Variants in ATP5PB observed in about 807,000 individuals in gnomAD.
ATP5PB encodes ATP synthase peripheral stalk-membrane subunit b, also known as ATP synthase peripheral stalk subunit b, mitochondrial.
A neutral mutation model predicts 34.5 loss-of-function variants in ATP5PB; 21 were observed. The ratio of observed to expected loss-of-function variants is 0.61; its 90% CI spans 0.43 to 0.88. The LOEUF (loss-of-function observed/expected upper bound fraction) is 0.88, where lower values mean the gene tolerates loss of function less well. Among genes scored for constraint, ATP5PB ranks in the 40% least tolerant of loss-of-function variants. The pLI, the probability that ATP5PB is intolerant of heterozygous loss-of-function variation, is 0.00. For synonymous variants in ATP5PB, 108 were observed against 114.1 expected, an observed-to-expected ratio of 0.95 and a Z score of 0.34; for missense variants, 293 against 317.4, an observed-to-expected ratio of 0.92 and a Z score of 0.58.
chr1:111,460,954 A>G lies in ATP5PB; in HGVS notation c.731A>G (p.Lys244Arg), dbSNP rs1342704910. 1 of 1,613,148 alleles carries G rather than the reference A, an allele frequency of 6.2e-7. No individual in the cohort carries two copies. The highest frequency in any genetic ancestry group is 1.7e-5 in the Admixed American group (1 of 60,002). The change falls in exon 7 of 7, where the codon AAG becomes AGG. Residue 244 changes from lysine (K) to arginine (R), a missense_variant. Transcript: ENST00000369722. ...ETIAKCIADL[K>R]LLAKKAQAQP... ...ATTGCCAAGTGCATTGCGGACCTAAAGCTGCTGGCAAAGAAGGCTCAAGCA... is the reference window on the plus strand; with the variant it reads ...ATTGCCAAGTGCATTGCGGACCTAAGGCTGCTGGCAAAGAAGGCTCAAGCA...
At position 111,461,997 on chromosome 1, in the gene ATP5PB, G is replaced by C. The variant is rs1278355795; in HGVS notation, c.*1003G>C. Reference sequence around the variant, plus strand: ...GGAGAAGTTGGAACACTTGTGCACTGTTCGTAGAAATATGAAATGGTACAG... The same window carrying C: ...GGAGAAGTTGGAACACTTGTGCACTCTTCGTAGAAATATGAAATGGTACAG... On this transcript the variant is annotated 3_prime_UTR_variant, in exon 7 of 7. Transcript: ENST00000369722. The C allele has an allele frequency of 1.3e-5, 2 of 152,014 alleles. No individual in the cohort carries two copies. Among genetic ancestry groups the C allele is most frequent in the Non-Finnish European group, 2.9e-5 (2 of 68,022 alleles). 9.4% of individuals were successfully genotyped at this position (152,014 alleles called of 1,614,324 possible).
chr1:111,461,020 T>C lies in ATP5PB; in HGVS notation c.*26T>C. 4 of 1,596,198 alleles carry C rather than the reference T, an allele frequency of 2.5e-6. No homozygotes were observed. The highest frequency in any genetic ancestry group is 3.4e-6 in the Non-Finnish European group (4 of 1,166,146). On this transcript the variant is annotated 3_prime_UTR_variant, in exon 7 of 7. Transcript: ENST00000369722. ...ATGTATCTATCCCAATTGAGACAGC[T>C]AGAAACAGTTGACTGACTAAATGGA...
chr1:111,450,766 T>C (rs1245363052), intron 2 of ATP5PB, among the ~76,000 whole-genome samples: 1 of 152,234 alleles, frequency 6.6e-6, no homozygotes, highest in African/African-American at 2.4e-5. Flanking sequence ...GTCTTATCTA[T>C]AATTAAGTCT....
At chr1:111,449,912 C>A (rs762648053) in intron 2 of ATP5PB, 39 bp downstream of exon 2, 5 of 1,613,156 alleles carry the variant, frequency 3.1e-6, no homozygotes, top group Non-Finnish European at 4.2e-6. Flanking sequence ...TCTTTGTTTT[C>A]ACTACCTTTT....
chr1:111,449,612 C>A (rs773314435), intron 1 of ATP5PB, 31 bp downstream of exon 1: 1 of 1,577,000 alleles, frequency 6.3e-7, no homozygotes, highest in Admixed American at 1.8e-5. Context: ...TCTGGACTAT[C>A]AGAGTGATTG....
At chr1:111,453,261 A>C (rs1196021157) in intron 2 of ATP5PB, among the ~76,000 whole-genome samples, 1 of 152,306 alleles carries the variant, frequency 6.6e-6, no homozygotes, top group African/African-American at 2.4e-5. Flanking sequence ...TAATACAAGA[A>C]TAGTTTCCAA....
At chr1:111,454,088 T>G in intron 2 of ATP5PB, 123 bp from the exon 3 acceptor site, 2 of 1,079,642 alleles carry the variant, frequency 1.9e-6, no homozygotes, top group Non-Finnish European at 2.5e-6. Flanking sequence ...CCATTCTCTT[T>G]CCATTATGAG....
intron 2 of ATP5PB, among the ~76,000 whole-genome samples, chr1:111,453,615 A>G (rs546113233): frequency 6.6e-6 from 1 of 152,326 alleles, no homozygotes; most frequent in East Asian, 1.9e-4. Flanking sequence ...AGTCTGTTAC[A>G]TATAGTGTTT....
chr1:111,450,004 T>G, intron 2 of ATP5PB, 131 bp downstream of exon 2: 1 of 1,158,302 alleles, frequency 8.6e-7, no homozygotes. Flanking sequence ...AAACCCTCTT[T>G]CAGACAAGAC....
chr1:111,450,014 C>T (rs1225374002), intron 2 of ATP5PB, 141 bp downstream of exon 2: 5 of 1,066,458 alleles, frequency 4.7e-6, no homozygotes. Flanking sequence ...TCAGACAAGA[C>T]ACTTGTTCCT....
chr1:111,458,541 G>A (rs60895025), intron 5 of ATP5PB, among the ~76,000 whole-genome samples: 2,692 of 152,170 alleles, frequency 0.018, 90 homozygotes, highest in African/African-American at 0.06. Context: ...AAGTAAGAAG[G>A]CCCATACAGC....
rs11553277 is a variant in ATP5PB, at chr1:111,456,655, C to T, written c.413C>T (p.Ala138Val). The change falls in exon 5 of 7, where the codon GCG becomes GTG. Residue 138 changes from alanine (A) to valine (V), a missense_variant. Coordinates refer to ENST00000369722, the MANE Select transcript of ATP5PB (RefSeq NM_001688.5). ...NEQKLAQLEE[A>V]KQASIQHIQN... ...CAAAAACTTGCCCAACTAGAAGAGG[C>T]GAAGCAGGCTTCCATCCAACACATC... 1.9e-5 allele frequency: 30 copies of T among 1,613,126 alleles called. No homozygotes were observed. The highest frequency in any genetic ancestry group is 4.0e-5 in the African/African-American group (3 of 74,986).
intron 2 of ATP5PB, among the ~76,000 whole-genome samples, chr1:111,451,979 C>T (rs1653347857): frequency 1.3e-5 from 2 of 151,932 alleles, no homozygotes; most frequent in South Asian, 4.2e-4. Context: ...ATTAGCTGGG[C>T]ATTGTGGTGT....
In ATP5PB at chr1:111,449,530, CT is replaced by C; in HGVS notation, c.-9del. ...AGGGACGCTAAGATTGCTACCTGGA[CT>C]TTCGTTGACCATGCTGTCCCGGGTG... On this transcript the variant is annotated 5_prime_UTR_variant, in exon 1 of 7. Coordinates refer to ENST00000369722, the MANE Select transcript of ATP5PB (RefSeq NM_001688.5). 4 of 1,614,002 alleles carry C rather than the reference CT, an allele frequency of 2.5e-6. No homozygotes were observed. Among genetic ancestry groups the C allele is most frequent in the Non-Finnish European group, 3.4e-6 (4 of 1,179,926 alleles).
rs956169755 is a variant in ATP5PB, at chr1:111,454,096, G to A, written c.78-115G>A. On this transcript the variant is annotated intron_variant, in intron 2 of 6. Coordinates refer to ENST00000369722, the MANE Select transcript of ATP5PB (RefSeq NM_001688.5). ...TCCCAGTCCATTCTCTTTCCATTAT[G>A]AGAGTTAGAAAACTGCCTCAATTAT... is the stretch of plus-strand genomic sequence containing the variant. The A allele has an allele frequency of 4.9e-5, 56 of 1,136,164 alleles. No homozygotes were observed. The African/African-American group carries it at 8.2e-4, about 17-fold the overall frequency. 70.4% of individuals were successfully genotyped at this position (1,136,164 alleles called of 1,614,324 possible).
intron 4 of ATP5PB, 107 bp downstream of exon 4, chr1:111,456,356 CTAA>C (rs1275327547): frequency 3.1e-5 from 38 of 1,238,198 alleles, no homozygotes; most frequent in Middle Eastern, 4.5e-4. Flanking sequence ...AGAAATGAAT[CTAA>C]TGCTTCAAAT....
rs779820639 is a variant in ATP5PB, at chr1:111,449,502, C to G, written c.-40C>G. The G allele has an allele frequency of 1.2e-6, 2 of 1,614,210 alleles. No individual in the cohort carries two copies. The highest frequency in any genetic ancestry group is 1.7e-6 in the Non-Finnish European group (2 of 1,180,036). The stretch of plus-strand genomic sequence containing the variant: ...CCCTGACAGATTCTCCTATCGGGGT[C>G]ACAGGGACGCTAAGATTGCTACCTG... On this transcript the variant is annotated 5_prime_UTR_variant, in exon 1 of 7. Coordinates refer to ENST00000369722, the MANE Select transcript of ATP5PB (RefSeq NM_001688.5).
rs1653416982 is a variant in ATP5PB at position 111,454,566 on chromosome 1, C to T, written c.223+210C>T. On this transcript the variant is annotated intron_variant, in intron 3 of 6. Transcript: ENST00000369722. ...CCCCAGGCTCAGGTCATCCTCCCAC[C>T]TCAGCCTCCCGAGTAGCTGGGACTT... 3.3e-5 allele frequency among the ~76,000 whole-genome samples: 5 copies of T among 152,088 alleles called. No individual in the cohort carries two copies. In the South Asian group the frequency reaches 1.0e-3, roughly 32 times the overall value.
In ATP5PB at chr1:111,462,426, T is replaced by G. The variant is rs1173079526; in HGVS notation, c.*1432T>G. 1 of 152,250 alleles carries G rather than the reference T, an allele frequency of 6.6e-6. No homozygotes were observed. The highest frequency in any genetic ancestry group is 1.5e-5 in the Non-Finnish European group (1 of 68,044). 9.4% of individuals were successfully genotyped at this position (152,250 alleles called of 1,614,324 possible). ...TGGTACACTTAAAAATGGTAAATTT[T>G]ATGTGTATTTTACAATCTTTTTTTA... On this transcript the variant is annotated 3_prime_UTR_variant, in exon 7 of 7. Transcript: ENST00000369722.
Sources: gnomAD v4.1 joint callset for allele counts (sites outside exome capture counted in the v4.1 genomes callset) on GRCh38, gnomAD v4.1.1 for gene constraint, MANE v1.5 for transcripts, NCBI Gene and HGNC (gene_info 2026-07-23, HGNC 2026-07-21) for gene names.